MTF2: variants seen among roughly 807,000 people sequenced by gnomAD.
The protein encoded by MTF2 is metal-response element-binding transcription factor 2.
In MTF2, 11 loss-of-function variants were observed where a neutral mutation model predicts 79.5. The observed-to-expected ratio is 0.14, with a 90% confidence interval of 0.09 to 0.23. The LOEUF is 0.23. Ranked by LOEUF, MTF2 falls within the 10% of genes least tolerant of loss-of-function variation. MTF2 has a pLI of 1.00. For synonymous variants in MTF2, 208 were observed against 232.8 expected (o/e 0.89, Z 0.97); for missense variants, 486 against 711.2 (o/e 0.68, Z 3.60).
At chr1:93,099,917 C>T (rs1655456996) in intron 1 of MTF2, among the ~76,000 whole-genome samples, 1 of 152,032 alleles carries the variant, frequency 6.6e-6, no homozygotes, top group Admixed American at 6.6e-5. Flanking sequence ...AAGGGCATAC[C>T]ACTTATCTTT....
chr1:93,100,580 T>C (rs1324494639), intron 1 of MTF2, among the ~76,000 whole-genome samples: 1 of 152,228 alleles, frequency 6.6e-6, no homozygotes, highest in East Asian at 1.9e-4. Flanking sequence ...GTGCTGGGAT[T>C]ACAGCCGTGA....
At chr1:93,083,202 T>C (rs1654679617) in intron 1 of MTF2, among the ~76,000 whole-genome samples, 1 of 152,122 alleles carries the variant, frequency 6.6e-6, no homozygotes, top group Admixed American at 6.6e-5. Flanking sequence ...CACATGCTTT[T>C]AAACAACCAG....
intron 1 of MTF2, among the ~76,000 whole-genome samples, chr1:93,086,392 G>A (rs1654837004): frequency 6.6e-6 from 1 of 151,168 alleles, no homozygotes; most frequent in Admixed American, 6.6e-5. Context: ...TGTAATCTCA[G>A]CTACTCAGGA....
chr1:93,125,365 A>G (rs1656654413), intron 9 of MTF2, among the ~76,000 whole-genome samples: 1 of 148,996 alleles, frequency 6.7e-6, no homozygotes, highest in South Asian at 2.1e-4. Flanking sequence ...TAGACATAGT[A>G]TAACTTGATT....
chr1:93,132,923 A>G (rs189251198), intron 11 of MTF2, among the ~76,000 whole-genome samples: 3 of 152,204 alleles, frequency 2.0e-5, no homozygotes, highest in Non-Finnish European at 4.4e-5. Context: ...ATATTATCTA[A>G]TATCATCTTT....
Position 93,137,074 on chromosome 1 carries a change from T to TA in MTF2, c.*48dup, listed in dbSNP as rs1487086449. 1 of 1,519,554 alleles carries TA rather than the reference T, an allele frequency of 6.6e-7. No individual in the cohort carries two copies. Among genetic ancestry groups the TA allele is most frequent in the South Asian group, 1.2e-5 (1 of 86,156 alleles). 94.1% of individuals were successfully genotyped at this position (1,519,554 alleles called of 1,614,324 possible). ...TCACTGCACTCTGATTTTCTGTAGG[T>TA]ACAGTTCAAAGCCCTAAAGGAGTCT... is the stretch of plus-strand genomic sequence containing the variant. On this transcript the variant is annotated 3_prime_UTR_variant, in exon 15 of 15. Transcript: ENST00000370298.
At chr1:93,101,096 A>G (rs969589810) in intron 1 of MTF2, among the ~76,000 whole-genome samples, 1 of 152,206 alleles carries the variant, frequency 6.6e-6, no homozygotes. Context: ...GATTGGGAAG[A>G]ATTAATCCAT....
intron 9 of MTF2, among the ~76,000 whole-genome samples, chr1:93,125,274 A>G (rs1369762463): frequency 6.7e-6 from 1 of 148,742 alleles, no homozygotes; most frequent in African/African-American, 2.5e-5. Flanking sequence ...TTCTTTTTTG[A>G]TATGATTAGC....
chr1:93,123,263 T>TC (rs1477866289), intron 9 of MTF2, among the ~76,000 whole-genome samples: 12 of 140,624 alleles, frequency 8.5e-5, no homozygotes, highest in Middle Eastern at 3.5e-3. Flanking sequence ...TCTCTCTCTC[T>TC]TTTTTTTTTT....
At chr1:93,115,426 A>T in intron 5 of MTF2, 44 bp from the exon 6 acceptor site, 2 of 1,448,122 alleles carry the variant, frequency 1.4e-6, no homozygotes, top group South Asian at 2.9e-5. Flanking sequence ...TTGTGTTTAA[A>T]ATTTTAGCCT....
chr1:93,101,573 T>TTTTTTTTG (rs1655540075), intron 1 of MTF2, among the ~76,000 whole-genome samples: 2 of 87,652 alleles, frequency 2.3e-5, no homozygotes, highest in African/African-American at 9.9e-5. Flanking sequence ...GGCTGGTTTT[T>TTTTTTTTG]TTTTTTTTTT....
At chr1:93,080,158 A>C (rs529087307) in intron 1 of MTF2, among the ~76,000 whole-genome samples, 8 of 152,240 alleles carry the variant, frequency 5.3e-5, no homozygotes, top group African/African-American at 1.9e-4. Flanking sequence ...GGTAGCTTAT[A>C]TTTGGAGCTC....
rs1655990537 is a variant in MTF2 at position 93,110,604 on chromosome 1, T to C, written c.264T>C (p.Val88=). The change falls in exon 3 of 15, where the codon GTT becomes GTC. Residue 88 remains valine, a synonymous_variant. Coordinates refer to ENST00000370298, the MANE Select transcript of MTF2 (RefSeq NM_007358.4). ...TTGAAGACAGTTCTAAATCCTGGGTTCTCTGGAAGGACATTCAAACAGGCA... is the reference window on the plus strand; with the variant it reads ...TTGAAGACAGTTCTAAATCCTGGGTCCTCTGGAAGGACATTCAAACAGGCA... ...IIFEDSSKSW[V]LWKDIQTGAT... 14 of 1,613,414 alleles carry C rather than the reference T, an allele frequency of 8.7e-6. No individual in the cohort carries two copies. Among genetic ancestry groups the C allele is most frequent in the Non-Finnish European group, 1.1e-5 (13 of 1,179,470 alleles).
intron 1 of MTF2, among the ~76,000 whole-genome samples, chr1:93,094,443 G>A (rs1655199129): frequency 6.6e-6 from 1 of 151,918 alleles, no homozygotes; most frequent in South Asian, 2.1e-4. Flanking sequence ...CATTTTGAGG[G>A]TTGTAGTTTA....
chr1:93,089,223 A>AT (rs1654972759), intron 1 of MTF2, among the ~76,000 whole-genome samples: 1 of 152,182 alleles, frequency 6.6e-6, no homozygotes, highest in African/African-American at 2.4e-5. Flanking sequence ...ATTAAGTAAA[A>AT]TTTGTAAGAG....
chr1:93,134,038 ATTTG>A (rs1647266998), intron 13 of MTF2, 49 bp from the exon 14 acceptor site: 3 of 1,545,216 alleles, frequency 1.9e-6, no homozygotes, highest in Non-Finnish European at 2.7e-6. Flanking sequence ...AGATATTAAT[ATTTG>A]TTTGTTATAT....
intron 7 of MTF2, among the ~76,000 whole-genome samples, 163 bp downstream of exon 7, chr1:93,118,603 T>C (rs1204134684): frequency 6.6e-6 from 1 of 152,220 alleles, no homozygotes; most frequent in Non-Finnish European, 1.5e-5. Flanking sequence ...ACGTAATTTT[T>C]GTGCTTTTGG....
intron 1 of MTF2, among the ~76,000 whole-genome samples, chr1:93,096,648 A>T (rs1343675180): frequency 1.3e-5 from 2 of 150,234 alleles, no homozygotes; most frequent in Non-Finnish European, 3.0e-5. Context: ...TTTCTATTAT[A>T]TGTATTTCGA....
At chr1:93,087,959 A>G (rs150825834) in intron 1 of MTF2, among the ~76,000 whole-genome samples, 9 of 152,344 alleles carry the variant, frequency 5.9e-5, no homozygotes, top group Admixed American at 1.3e-4. Flanking sequence ...AAAGTTAAGC[A>G]GTATAGCAAG....
Sources: gnomAD v4.1 joint callset for allele counts (sites outside exome capture counted in the v4.1 genomes callset) on GRCh38, gnomAD v4.1.1 for gene constraint, MANE v1.5 for transcripts, NCBI Gene and HGNC (gene_info 2026-07-23, HGNC 2026-07-21) for gene names.